Variants in CCDC88A observed in about 807,000 individuals in gnomAD.
CCDC88A encodes the protein girdin.
Under a neutral mutation model 234.3 loss-of-function variants are expected in CCDC88A, and 54 were observed. The ratio of observed to expected loss-of-function variants is 0.23; its 90% CI spans 0.19 to 0.29. The LOEUF is 0.29. CCDC88A is among the 10% of genes least tolerant of loss of function. The probability of loss-of-function intolerance (pLI) is 1.00; values close to 1 mark genes in which losing one functional copy is unlikely to be tolerated. For synonymous variants in CCDC88A, 753 were observed against 737.8 expected (o/e 1.02, Z -0.33); for missense variants, 1,832 against 2,123.4 (o/e 0.86, Z 2.70).
chr2:55,324,195 T>C (rs991331079), intron 17 of CCDC88A: 1 of 152,240 alleles, frequency 6.6e-6, no homozygotes, highest in African/African-American at 2.4e-5. Context: ...TAAATTATGT[T>C]ATGAATTCAA....
At chr2:55,356,136 C>T (rs1670539654) in intron 7 of CCDC88A, 1 of 153,870 alleles carries the variant, frequency 6.5e-6, no homozygotes, top group Admixed American at 6.5e-5. Flanking sequence ...GCTCTTTTCC[C>T]TAATGTTTTC....
At chr2:55,395,789 T>C (rs188834468) in intron 2 of CCDC88A, among the ~76,000 whole-genome samples, 5 of 152,292 alleles carry the variant, frequency 3.3e-5, no homozygotes, top group African/African-American at 9.6e-5. Flanking sequence ...AGACTATTAG[T>C]AAGGTAAGCT....
intron 26 of CCDC88A, chr2:55,302,840 A>G (rs1681061113): frequency 3.2e-6 from 1 of 315,218 alleles, no homozygotes; most frequent in Non-Finnish European, 5.8e-6. Context: ...ATTTACGAGT[A>G]AGTTACATGT....
In CCDC88A at chr2:55,384,528, TATACATATATAC is replaced by T. The variant is rs1558787532; in HGVS notation, c.273+4238_273+4249del. ...GAATATTATATATAAATTATATATATATACATATATACGTATATATGTGTATATATACACATA... is the reference window on the plus strand; with the variant it reads ...GAATATTATATATAAATTATATATATGTATATATGTGTATATATACACATA... On this transcript the variant is annotated intron_variant, in intron 3 of 32. Coordinates refer to ENST00000436346, the MANE Select transcript of CCDC88A (RefSeq NM_001365480.1). 9.4e-5 allele frequency among the ~76,000 whole-genome samples: 7 copies of T among 74,746 alleles called. 2 individuals are homozygous for T. The highest frequency in any genetic ancestry group is 2.7e-4 in the African/African-American group (6 of 22,498). The allele number at this position is 74,746 out of a possible 152,430, so 49.0% of individuals were successfully genotyped here.
chr2:55,414,911 C>T (rs1681101566), intron 2 of CCDC88A, among the ~76,000 whole-genome samples: 1 of 151,344 alleles, frequency 6.6e-6, no homozygotes, highest in Admixed American at 6.6e-5. Context: ...TAAAAAAATA[C>T]AAAAAATTAG....
In CCDC88A at chr2:55,317,659, A is replaced by T. The variant is rs1265726386; in HGVS notation, c.3507T>A (p.Arg1169=). ...TAAGAGATTCATACTCTGAAGCCTGACGTTCATGAAGAAGTTCCAGCTTTT... is the reference window on the plus strand; with the variant it reads ...TAAGAGATTCATACTCTGAAGCCTGTCGTTCATGAAGAAGTTCCAGCTTTT... ...DHEKLELLHE[R]QASEYESLIS... is the part of the protein sequence containing the mutation. The change falls in exon 20 of 33, where the codon CGT becomes CGA. Residue 1169 remains arginine (R), a synonymous_variant. Coordinates refer to ENST00000436346, the MANE Select transcript of CCDC88A (RefSeq NM_001365480.1). This position sits in a 1 kb window ranked among gnomAD's most constrained non-coding sequence, Gnocchi z 4.2. 3 of 1,613,446 alleles carry T rather than the reference A, an allele frequency of 1.9e-6. No individual in the cohort carries two copies. Among genetic ancestry groups the T allele is most frequent in the South Asian group, 1.1e-5 (1 of 91,040 alleles).
chr2:55,401,470 A>ATATGTGTGTG (rs367863063), intron 2 of CCDC88A, among the ~76,000 whole-genome samples: 2 of 31,502 alleles, frequency 6.3e-5, no homozygotes, highest in African/African-American at 8.2e-5. Context: ...ATATATACAT[A>ATATGTGTGTG]TGTGTGTGTA....
intron 2 of CCDC88A, among the ~76,000 whole-genome samples, chr2:55,414,060 C>A (rs1466160816): frequency 6.6e-6 from 1 of 151,974 alleles, no homozygotes; most frequent in Admixed American, 6.6e-5. Flanking sequence ...AAAGCCATAA[C>A]AAGTTTATCA....
intron 17 of CCDC88A, chr2:55,323,575 AACAATAGATG>A (rs1475961011): frequency 1.3e-5 from 2 of 152,204 alleles, no homozygotes; most frequent in African/African-American, 4.8e-5. Flanking sequence ...ACACACTAAT[AACAATAGATG>A]AGTGGCATCA....
chr2:55,302,105 T>C, intron 26 of CCDC88A, 33 bp from the exon 27 acceptor site: 3 of 1,524,746 alleles, frequency 2.0e-6, no homozygotes, highest in East Asian at 2.3e-5. Flanking sequence ...TGAATCAGCA[T>C]GGTTAATGTA....
Position 55,367,528 on chromosome 2 carries a change from G to GTTTT in CCDC88A, c.403-3499_403-3496dup. Reference sequence around the variant, plus strand: ...TTGCTAGAAATTGTTTTATTTCCTTGTTTTTTTTTAAGAGACTGGGTCTTG... The same window carrying GTTTT: ...TTGCTAGAAATTGTTTTATTTCCTTGTTTTTTTTTTTTTAAGAGACTGGGTCTTG... On this transcript the variant is annotated intron_variant, in intron 5 of 32. Coordinates refer to ENST00000436346, the MANE Select transcript of CCDC88A (RefSeq NM_001365480.1). Among the ~76,000 whole-genome samples the GTTTT allele has an allele frequency of 5.0e-5, 5 of 99,890 alleles. 1 individual carries two copies. Among genetic ancestry groups the GTTTT allele is most frequent in the African/African-American group, 4.3e-5 (1 of 23,312 alleles). The allele number at this position is 99,890 out of a possible 152,430, so 65.5% of individuals were successfully genotyped here.
At chr2:55,393,763 G>A (rs993377194) in intron 2 of CCDC88A, among the ~76,000 whole-genome samples, 11 of 151,892 alleles carry the variant, frequency 7.2e-5, no homozygotes, top group African/African-American at 2.4e-4. Context: ...TTCTTTACTT[G>A]CTGCATTAAC....
intron 10 of CCDC88A, 99 bp from the exon 11 acceptor site, chr2:55,344,613 T>C (rs56363457): frequency 1.6e-4 from 103 of 631,420 alleles, no homozygotes; most frequent in Non-Finnish European, 2.2e-4. Context: ...TTATCAACAG[T>C]TCTATGCATG....
chr2:55,366,557 ACACACACACACACACACAC>A (rs1399540813), intron 5 of CCDC88A, among the ~76,000 whole-genome samples: 1 of 151,040 alleles, frequency 6.6e-6, no homozygotes, highest in African/African-American at 2.4e-5. Context: ...ACACACACAC[ACACACACACACACACACAC>A]AAGATATGAT....
chr2:55,310,869 T>C (rs1177909082), intron 23 of CCDC88A, among the ~76,000 whole-genome samples: 2 of 152,226 alleles, frequency 1.3e-5, no homozygotes, highest in Non-Finnish European at 2.9e-5. Context: ...CTTTTACTTG[T>C]TGAAATATCA....
chr2:55,301,316 T>C (rs1444662726), intron 27 of CCDC88A, 39 bp from the exon 28 acceptor site: 1 of 1,121,870 alleles, frequency 8.9e-7, no homozygotes, highest in Non-Finnish European at 1.3e-6. Flanking sequence ...GATATTTTTG[T>C]AATAAAAAAC....
At chr2:55,305,607 G>A (rs1681454686) in intron 25 of CCDC88A, among the ~76,000 whole-genome samples, 2 of 152,156 alleles carry the variant, frequency 1.3e-5, no homozygotes, top group African/African-American at 4.8e-5. Flanking sequence ...AGCACTTTGG[G>A]AGACCAAGGC....
chr2:55,393,214 A>AT (rs951812931), intron 2 of CCDC88A, among the ~76,000 whole-genome samples: 9 of 116,782 alleles, frequency 7.7e-5, no homozygotes, highest in South Asian at 5.6e-4. Context: ...TGTGAAATGG[A>AT]TTTTTTTTTC....
chr2:55,364,408 C>T (rs1489993795), intron 5 of CCDC88A, among the ~76,000 whole-genome samples: 1 of 151,974 alleles, frequency 6.6e-6, no homozygotes, highest in East Asian at 1.9e-4. Flanking sequence ...TGGCAGAATT[C>T]GGAATACAGC....
Sources: gnomAD v4.1 joint callset for allele counts (sites outside exome capture counted in the v4.1 genomes callset) on GRCh38, gnomAD v4.1.1 for gene constraint, Gnocchi (gnomAD v3.1) non-coding constraint, MANE v1.5 for transcripts, NCBI Gene and HGNC (gene_info 2026-07-23, HGNC 2026-07-21) for gene names.